Variants in BTBD16 observed in about 807,000 individuals in gnomAD.
The protein encoded by BTBD16 is BTB domain containing 16.
BTBD16 carries 66 observed loss-of-function variants against 67.4 expected under a neutral mutation model. The observed-to-expected ratio is 0.98, with a 90% CI of 0.80 to 1.20. BTBD16 has a LOEUF of 1.20. BTBD16 is among the 50% of genes most tolerant of loss of function. BTBD16 has a pLI of 0.00. For missense variants in BTBD16, 634 were observed against 616.0 expected, an observed-to-expected ratio of 1.03 and a Z score of -0.31; for synonymous variants, 242 against 236.4, an observed-to-expected ratio of 1.02 and a Z score of -0.22.
chr10:122,297,555 AT>A (rs1380734802), intron 7 of BTBD16, among the ~76,000 whole-genome samples: 1 of 152,190 alleles, frequency 6.6e-6, no homozygotes, highest in Non-Finnish European at 1.5e-5. Context: ...CTCCTGAAGG[AT>A]TTGATTTCTG....
chr10:122,288,126 C>G (rs926650894), intron 5 of BTBD16, among the ~76,000 whole-genome samples: 2 of 152,144 alleles, frequency 1.3e-5, no homozygotes, highest in African/African-American at 4.8e-5. Flanking sequence ...GACAGACAAG[C>G]CCAAAATGCT....
At chr10:122,308,682 T>C (rs1362402495) in intron 10 of BTBD16, among the ~76,000 whole-genome samples, 1 of 152,058 alleles carries the variant, frequency 6.6e-6, no homozygotes, top group Non-Finnish European at 1.5e-5. Flanking sequence ...GATGGGAAAG[T>C]GTAGGGCTTG....
intron 3 of BTBD16, among the ~76,000 whole-genome samples, chr10:122,279,729 A>G (rs1270459335): frequency 6.6e-6 from 1 of 152,118 alleles, no homozygotes; most frequent in Non-Finnish European, 1.5e-5. Flanking sequence ...GCCCCATGCA[A>G]CATACGTTAT....
At position 122,299,390 on chromosome 10, in the gene BTBD16, G is replaced by A. The variant is rs367885812; in HGVS notation, c.791+256G>A. On this transcript the variant is annotated intron_variant, in intron 9 of 15. Transcript: ENST00000260723. ...GTCTCAGGTATTTTCACCTGGGTGC[G>A]AAAAATGAAAGACTTAATTACCTAA... Among the ~76,000 whole-genome samples, 28 of 152,186 alleles carry A rather than the reference G, an allele frequency of 1.8e-4. No individual in the cohort carries two copies. The East Asian group carries it at 3.5e-3, about 19-fold the overall frequency.
At chr10:122,293,659 C>T (rs569671914) in intron 7 of BTBD16, among the ~76,000 whole-genome samples, 10 of 152,332 alleles carry the variant, frequency 6.6e-5, no homozygotes, top group African/African-American at 1.7e-4. Flanking sequence ...CTGAGATTCC[C>T]GTGTCCCTTC....
intron 7 of BTBD16, among the ~76,000 whole-genome samples, chr10:122,294,809 G>T (rs899087104): frequency 1.3e-5 from 2 of 152,242 alleles, no homozygotes; most frequent in Admixed American, 1.3e-4. Context: ...CCAGCCAATG[G>T]GTTTCACAGT....
intron 10 of BTBD16, among the ~76,000 whole-genome samples, chr10:122,322,523 T>C (rs1353001275): frequency 1.3e-5 from 2 of 151,984 alleles, no homozygotes; most frequent in Non-Finnish European, 2.9e-5. Context: ...GTGGAAAGAG[T>C]GTCCATAAGA....
intron 9 of BTBD16, among the ~76,000 whole-genome samples, chr10:122,304,617 T>C (rs1014022488): frequency 1.4e-5 from 2 of 145,910 alleles, no homozygotes; most frequent in African/African-American, 5.1e-5. Flanking sequence ...TGCAGTGGCG[T>C]GATCTCTGCT....
intron 3 of BTBD16, among the ~76,000 whole-genome samples, chr10:122,278,845 C>A (rs2096346387): frequency 6.6e-6 from 1 of 152,208 alleles, no homozygotes; most frequent in Admixed American, 6.5e-5. Context: ...TTGGTTCTGC[C>A]AGGGCACTTG....
intron 10 of BTBD16, among the ~76,000 whole-genome samples, chr10:122,320,978 T>C (rs1017819581): frequency 1.3e-5 from 2 of 152,114 alleles, no homozygotes; most frequent in African/African-American, 4.8e-5. Flanking sequence ...TAGTACTCAA[T>C]AGGTAGTTTT....
chr10:122,312,848 T>A (rs1193277724), intron 10 of BTBD16, among the ~76,000 whole-genome samples: 1 of 152,172 alleles, frequency 6.6e-6, no homozygotes, highest in Non-Finnish European at 1.5e-5. Flanking sequence ...ATACCTTCCC[T>A]CTGTGGCTGG....
At chr10:122,275,414 C>A (rs1310148315) in intron 2 of BTBD16, among the ~76,000 whole-genome samples, 1 of 152,138 alleles carries the variant, frequency 6.6e-6, no homozygotes, top group Admixed American at 6.6e-5. Context: ...AAACTTTATC[C>A]TACTTTATAC....
intron 4 of BTBD16, 87 bp from the exon 5 acceptor site, chr10:122,286,018 G>A (rs2096362969): frequency 2.4e-5 from 32 of 1,314,704 alleles, no homozygotes; most frequent in Non-Finnish European, 3.4e-5. Context: ...GATCCACCGA[G>A]CAAAGGAGCT....
At chr10:122,303,217 T>C (rs1191083639) in intron 9 of BTBD16, among the ~76,000 whole-genome samples, 1 of 152,192 alleles carries the variant, frequency 6.6e-6, no homozygotes, top group Non-Finnish European at 1.5e-5. Context: ...CCCTTCCTCA[T>C]TTCTGCCTCC....
At chr10:122,309,473 T>C (rs1446942086) in intron 10 of BTBD16, among the ~76,000 whole-genome samples, 2 of 151,930 alleles carry the variant, frequency 1.3e-5, no homozygotes, top group Non-Finnish European at 2.9e-5. Flanking sequence ...GCCTCCTGAG[T>C]AGCTGGGACT....
intron 11 of BTBD16, among the ~76,000 whole-genome samples, chr10:122,330,957 G>A (rs2096454091): frequency 6.6e-6 from 1 of 152,186 alleles, no homozygotes; most frequent in African/African-American, 2.4e-5. Flanking sequence ...GTTTTTAAAA[G>A]AGAATCGATT....
chr10:122,286,008 G>A (rs2096362924), intron 4 of BTBD16, 97 bp from the exon 5 acceptor site: 1 of 1,214,896 alleles, frequency 8.2e-7, no homozygotes, highest in Admixed American at 2.1e-5. Context: ...TGTGCTTAAT[G>A]ATCCACCGAG....
intron 9 of BTBD16, among the ~76,000 whole-genome samples, chr10:122,304,860 A>G (rs767733334): frequency 1.3e-4 from 20 of 152,130 alleles, no homozygotes; most frequent in Non-Finnish European, 2.6e-4. Flanking sequence ...GCCAGCAGCT[A>G]TTCTTTGGCA....
chr10:122,303,987 T>C (rs2096398810), intron 9 of BTBD16, among the ~76,000 whole-genome samples: 1 of 152,150 alleles, frequency 6.6e-6, no homozygotes, highest in African/African-American at 2.4e-5. Context: ...TCCCAAGGAC[T>C]CCCCCATGTT....
Sources: gnomAD v4.1 joint callset for allele counts (sites outside exome capture counted in the v4.1 genomes callset) on GRCh38, gnomAD v4.1.1 for gene constraint, MANE v1.5 for transcripts, NCBI Gene and HGNC (gene_info 2026-07-23, HGNC 2026-07-21) for gene names.